The following GPR107 variants were observed in gnomAD, a reference collection of about 807,000 sequenced individuals.
GPR107 encodes the protein protein GPR107.
GPR107 carries 31 observed loss-of-function variants against 75.5 expected under a neutral mutation model. The ratio of observed to expected loss-of-function variants is 0.41; its 90% CI spans 0.31 to 0.55. The LOEUF (loss-of-function observed/expected upper bound fraction) is 0.55, where lower values mean the gene tolerates loss of function less well. GPR107 is among the 20% of genes least tolerant of loss of function. GPR107 has a pLI of 0.26. For synonymous variants in GPR107, 267 were observed against 251.3 expected (o/e 1.06, Z -0.59); for missense variants, 572 against 665.7 (o/e 0.86, Z 1.55).
rs945250546 is a variant in GPR107, at chr9:130,068,344, G to T, written c.142-7292G>T. On this transcript the variant is annotated intron_variant, in intron 1 of 17. Coordinates refer to ENST00000347136, the MANE Select transcript of GPR107 (RefSeq NM_020960.5). ...TGGCCTACAAGCTCTGGATCTTGTGGCTTTTTTTTTCTTCTCTTTTTTTAA... is the reference window on the plus strand; with the variant it reads ...TGGCCTACAAGCTCTGGATCTTGTGTCTTTTTTTTTCTTCTCTTTTTTTAA... Among the ~76,000 whole-genome samples the T allele has an allele frequency of 2.7e-5, 4 of 150,444 alleles. No homozygotes were observed. In the South Asian group the frequency reaches 8.3e-4, roughly 31 times the overall value.
Position 130,136,678 on chromosome 9 carries a change from C to T in GPR107, c.*1557C>T, listed in dbSNP as rs1303654441. 2 of 152,212 alleles carry T rather than the reference C, an allele frequency of 1.3e-5. No homozygotes were observed. The highest frequency in any genetic ancestry group is 2.4e-5 in the African/African-American group (1 of 41,438). The allele number at this position is 152,212 out of a possible 1,614,324, so 9.4% of individuals were successfully genotyped here. On this transcript the variant is annotated 3_prime_UTR_variant, in exon 18 of 18. Coordinates refer to ENST00000347136, the MANE Select transcript of GPR107 (RefSeq NM_020960.5). Reference sequence around the variant, plus strand: ...CTCCATTCAGAACATGGTTGTTCTCCCTGTCCCATGCTATCTTATCTTCCT... The same window carrying T: ...CTCCATTCAGAACATGGTTGTTCTCTCTGTCCCATGCTATCTTATCTTCCT...
At chr9:130,079,843 T>A in intron 5 of GPR107, 74 bp downstream of exon 5, 1 of 946,332 alleles carries the variant, frequency 1.1e-6, no homozygotes, top group Non-Finnish European at 1.6e-6. Context: ...TAATTAAAAG[T>A]AAAAGTAAAA....
chr9:130,105,268 C>T (rs1444583297), intron 13 of GPR107, among the ~76,000 whole-genome samples: 2 of 150,188 alleles, frequency 1.3e-5, no homozygotes, highest in Non-Finnish European at 3.0e-5. Flanking sequence ...TTTTTTTTAA[C>T]CCGAGATGGA....
intron 1 of GPR107, among the ~76,000 whole-genome samples, chr9:130,063,263 T>A (rs1170614475): frequency 6.6e-6 from 1 of 152,080 alleles, no homozygotes; most frequent in Non-Finnish European, 1.5e-5. Context: ...TGATCTCAGC[T>A]CACTGCAAGC....
chr9:130,120,797 C>G (rs1831528409), intron 14 of GPR107: 1 of 152,266 alleles, frequency 6.6e-6, no homozygotes, highest in East Asian at 1.9e-4. Flanking sequence ...TTGCCTAAAG[C>G]CTTTGGGAGG....
chr9:130,110,407 A>C (rs4837460), intron 14 of GPR107: 1 of 1,532,992 alleles, frequency 6.5e-7, no homozygotes, highest in Non-Finnish European at 8.9e-7. Context: ...GAGCGAATCT[A>C]AGAGCAGGAA....
At chr9:130,106,617 A>AAATAAAT (rs1554895842) in intron 13 of GPR107, among the ~76,000 whole-genome samples, 9,278 of 144,912 alleles carry the variant, frequency 0.064, 359 homozygotes, top group Middle Eastern at 0.12. Flanking sequence ...ATAAATAAAT[A>AAATAAAT]AATAATAATA....
intron 1 of GPR107, among the ~76,000 whole-genome samples, chr9:130,062,022 C>T (rs988468293): frequency 6.6e-6 from 1 of 151,910 alleles, no homozygotes; most frequent in African/African-American, 2.4e-5. Flanking sequence ...ATTGATTGTT[C>T]GTGTGCCACT....
At position 130,104,452 on chromosome 9, in the gene GPR107, G is replaced by A. The variant is rs895160973; in HGVS notation, c.1164G>A (p.Glu388=). 1.2e-6 allele frequency: 2 copies of A among 1,613,494 alleles called. No homozygotes were observed. Among genetic ancestry groups the A allele is most frequent in the African/African-American group, 2.7e-5 (2 of 74,904 alleles). ...VLANVAYIII[E]STEEGTTEYG... is the part of the protein sequence containing the mutation. ...CAAATGTAGCCTACATCATCATAGA[G>A]TCCACCGAGGAGGGCACGACTGAAT... The change falls in exon 13 of 18, where the codon GAG becomes GAA. Residue 388 remains glutamate (E), a synonymous_variant. Coordinates refer to ENST00000347136, the MANE Select transcript of GPR107 (RefSeq NM_020960.5).
chr9:130,115,249 C>A (rs1457665056), intron 14 of GPR107, among the ~76,000 whole-genome samples: 1 of 152,058 alleles, frequency 6.6e-6, no homozygotes, highest in African/African-American at 2.4e-5. Context: ...GATTTAATAA[C>A]CTCTTCTTTA....
intron 1 of GPR107, among the ~76,000 whole-genome samples, chr9:130,062,423 A>G (rs757981859): frequency 8.1e-5 from 7 of 86,780 alleles, no homozygotes; most frequent in Admixed American, 5.9e-4. Context: ...CGAAAATGAT[A>G]ATAATAATAA....
intron 9 of GPR107, among the ~76,000 whole-genome samples, chr9:130,094,990 TTTTTTTA>T (rs774475848): frequency 2.1e-4 from 32 of 152,098 alleles, no homozygotes; most frequent in Non-Finnish European, 3.5e-4. Context: ...CTCTGTTGTT[TTTTTTTA>T]TTTTTTATTT....
At chr9:130,058,769 G>A (rs561372931) in intron 1 of GPR107, among the ~76,000 whole-genome samples, 3 of 152,152 alleles carry the variant, frequency 2.0e-5, no homozygotes, top group Admixed American at 2.0e-4. Context: ...CCGGCCGATA[G>A]GTAGGCTTTT....
At chr9:130,099,104 G>A (rs887267409) in intron 9 of GPR107, among the ~76,000 whole-genome samples, 4 of 152,122 alleles carry the variant, frequency 2.6e-5, no homozygotes, top group African/African-American at 7.2e-5. Context: ...TTGGCCAGGG[G>A]TTCAAGACCA....
rs1300037621 is a variant in GPR107, at chr9:130,062,660, G to GCCTGCCTGCCTTCCTTCCTT, written c.141+8590_141+8591insGCCTGCCTTCCTTCCTTCCT. Among the ~76,000 whole-genome samples the GCCTGCCTGCCTTCCTTCCTT allele has an allele frequency of 1.3e-3, 88 of 69,114 alleles. 1 individual carries two copies. The highest frequency in any genetic ancestry group is 2.2e-3 in the Non-Finnish European group (75 of 33,710). 45.3% of individuals were successfully genotyped at this position (69,114 alleles called of 152,430 possible). On this transcript the variant is annotated intron_variant, in intron 1 of 17. Transcript: ENST00000347136. ...TGCCTGCCTGCCTGCCTGCCTGCCT[G>GCCTGCCTGCCTTCCTTCCTT]CCTTCCTTCCTTCCTTCCTTCCTTC...
intron 7 of GPR107, among the ~76,000 whole-genome samples, chr9:130,087,805 C>CAAAAAAAAAAAAAAAA (rs35984705): frequency 1.1e-5 from 1 of 87,634 alleles, no homozygotes; most frequent in African/African-American, 4.5e-5. Context: ...GACCCTGTCT[C>CAAAAAAAAAAAAAAAA]AAAAAAAAAA....
chr9:130,063,047 C>A (rs147554339), intron 1 of GPR107, among the ~76,000 whole-genome samples: 1 of 152,132 alleles, frequency 6.6e-6, no homozygotes, highest in Admixed American at 6.6e-5. Context: ...CAATGTCTGG[C>A]GTATTTGAAC....
chr9:130,119,536 G>A (rs1416648753), intron 14 of GPR107, among the ~76,000 whole-genome samples: 2 of 152,140 alleles, frequency 1.3e-5, no homozygotes, highest in Non-Finnish European at 2.9e-5. Context: ...GCTCAGAGAG[G>A]GTTAGCTGAC....
chr9:130,125,776 G>A (rs1328817160), intron 15 of GPR107, among the ~76,000 whole-genome samples: 1 of 151,982 alleles, frequency 6.6e-6, no homozygotes, highest in Non-Finnish European at 1.5e-5. Context: ...TCAGCTGGGT[G>A]CGGTGGCTCA....
Sources: allele counts gnomAD v4.1 joint callset (sites outside exome capture counted in the v4.1 genomes callset), GRCh38; gene constraint gnomAD v4.1.1; transcripts MANE v1.5; gene names NCBI Gene and HGNC (gene_info 2026-07-23, HGNC 2026-07-21).